POPDC2: variants seen among roughly 807,000 people sequenced by gnomAD.
POPDC2 encodes popeye domain-containing protein 2.
In POPDC2, 24 loss-of-function variants were observed where a neutral mutation model predicts 30.5. That is an observed-to-expected ratio of 0.79 (90% CI 0.57 to 1.11). The LOEUF is 1.11. Ranked by LOEUF, POPDC2 falls within the 50% of genes least tolerant of loss-of-function variation. The pLI, the probability that POPDC2 is intolerant of heterozygous loss-of-function variation, is 0.00. For synonymous variants in POPDC2, 185 were observed against 183.3 expected (o/e 1.01, Z -0.07); for missense variants, 409 against 447.0 (o/e 0.91, Z 0.77).
At chr3:119,645,304 C>T (rs6789941) in intron 3 of POPDC2, among the ~76,000 whole-genome samples, 37,366 of 152,078 alleles carry the variant, frequency 0.25, 4,797 homozygotes, top group Admixed American at 0.31. Context: ...GGCTCACGCC[C>T]GTAATCCCAG....
At chr3:119,651,272 C>G (rs889705006) in intron 2 of POPDC2, among the ~76,000 whole-genome samples, 4 of 152,106 alleles carry the variant, frequency 2.6e-5, no homozygotes, top group African/African-American at 7.2e-5. Flanking sequence ...TCATCTCTCT[C>G]AGGTTTTTGC....
intron 3 of POPDC2, among the ~76,000 whole-genome samples, chr3:119,642,785 T>C (rs1193274282): frequency 2.0e-5 from 3 of 152,238 alleles, no homozygotes; most frequent in African/African-American, 7.2e-5. Flanking sequence ...TCTCCTATTG[T>C]AGAGACCAAG....
At chr3:119,649,204 T>C (rs901823770) in intron 2 of POPDC2, among the ~76,000 whole-genome samples, 4 of 152,072 alleles carry the variant, frequency 2.6e-5, no homozygotes, top group East Asian at 1.9e-4. Context: ...GGGATTCAGG[T>C]TGGGATACGA....
intron 1 of POPDC2, among the ~76,000 whole-genome samples, chr3:119,656,700 T>C (rs970955794): frequency 6.6e-6 from 1 of 152,126 alleles, no homozygotes; most frequent in African/African-American, 2.4e-5. Flanking sequence ...CCCAGAAAAC[T>C]CAGAGTTTCA....
intron 2 of POPDC2, 142 bp downstream of exon 2, chr3:119,654,363 C>T: frequency 1.6e-6 from 1 of 630,296 alleles, no homozygotes; most frequent in East Asian, 2.8e-5. Flanking sequence ...GAACTCTTTT[C>T]AGAGGAAGAG....
intron 3 of POPDC2, among the ~76,000 whole-genome samples, chr3:119,647,378 C>T (rs898321211): frequency 6.6e-6 from 1 of 152,192 alleles, no homozygotes; most frequent in Non-Finnish European, 1.5e-5. Flanking sequence ...CTGGGCACAG[C>T]CTTTCTTGTA....
intron 1 of POPDC2, among the ~76,000 whole-genome samples, chr3:119,657,668 G>A (rs1361782083): frequency 6.6e-6 from 1 of 152,286 alleles, no homozygotes; most frequent in East Asian, 1.9e-4. Context: ...CGAGGATTTC[G>A]GCCACCCAGG....
Position 119,660,098 on chromosome 3 carries a change from T to C in POPDC2, c.326A>G (p.Asp109Gly). The stretch of plus-strand genomic sequence containing the variant: ...CAGGCACAGCGTCTTGTAGAGGAGG[T>C]CAAACTCCTCAGGGAGGGTGTCCTC... ...LREDTLPEEF[D>G]LLYKTLCLPL... Residue 109 changes from aspartate (D) to glycine (G), a missense_variant, in exon 1 of 4, where the codon GAC becomes GGC. Transcript: ENST00000493094. 6.2e-7 allele frequency: 1 copy of C among 1,614,044 alleles called. No homozygotes were observed. The highest frequency in any genetic ancestry group is 1.1e-5 in the South Asian group (1 of 91,062).
Position 119,643,613 on chromosome 3 carries a change from G to A in POPDC2, c.*44-1052C>T, listed in dbSNP as rs1046618327. ...TCACAGCAACCCGGTAAGGTAGACA[G>A]AGCCATCTTGGTCCTGTCCTGCAGA... On this transcript the variant is annotated intron_variant, in intron 3 of 3. Transcript: ENST00000493094. Among the ~76,000 whole-genome samples the A allele has an allele frequency of 6.6e-5, 10 of 152,288 alleles. No individual in the cohort carries two copies. The South Asian group carries it at 2.1e-3, about 32-fold the overall frequency.
At chr3:119,656,818 G>T (rs2052884665) in intron 1 of POPDC2, among the ~76,000 whole-genome samples, 1 of 152,172 alleles carries the variant, frequency 6.6e-6, no homozygotes, top group South Asian at 2.1e-4. Context: ...TTCATTTGGG[G>T]GAGATATCCT....
intron 2 of POPDC2, among the ~76,000 whole-genome samples, chr3:119,651,978 G>T (rs2052816753): frequency 6.6e-6 from 1 of 151,994 alleles, no homozygotes. Context: ...CTTCCCCAAA[G>T]GTCCTCCTGA....
In POPDC2 at chr3:119,660,216, A is replaced by T; in HGVS notation, c.208T>A (p.Phe70Ile). ...GYLCCVLWGW[F>I]SACGLDIVLW... Reference sequence around the variant, plus strand: ...ACAATGTCCAGGCCACAGGCACTGAACCAGCCCCACAGCACGCAGCACAGG... The same window carrying T: ...ACAATGTCCAGGCCACAGGCACTGATCCAGCCCCACAGCACGCAGCACAGG... The change falls in exon 1 of 4, where the codon TTC (phenylalanine) becomes ATC (isoleucine). Residue 70 changes from phenylalanine to isoleucine, a missense_variant. Coordinates refer to ENST00000493094, the MANE Select transcript of POPDC2 (RefSeq NM_001369919.2). 6.2e-7 allele frequency: 1 copy of T among 1,614,214 alleles called. No individual in the cohort carries two copies. Among genetic ancestry groups the T allele is most frequent in the Non-Finnish European group, 8.5e-7 (1 of 1,180,026 alleles).
At chr3:119,657,839 TTAGA>T (rs2052896938) in intron 1 of POPDC2, among the ~76,000 whole-genome samples, 1 of 152,146 alleles carries the variant, frequency 6.6e-6, no homozygotes, top group South Asian at 2.1e-4. Flanking sequence ...AATGAATAGC[TTAGA>T]TAGTTAGTTG....
rs377454956 is a variant in POPDC2 at position 119,657,843 on chromosome 3, ATAGT to A, written c.491+2086_491+2089del. 4.1e-3 allele frequency among the ~76,000 whole-genome samples: 620 copies of A among 152,280 alleles called. 7 individuals carry two copies. The highest frequency in any genetic ancestry group is 0.014 in the African/African-American group (593 of 41,558). ...ATCTTCTCCTAAATGAATAGCTTAG[ATAGT>A]TAGTTGCCTGCTCAGGGGGTTGTAT... On this transcript the variant is annotated intron_variant, in intron 1 of 3. Transcript: ENST00000493094.
chr3:119,652,223 G>C (rs139386981), intron 2 of POPDC2, among the ~76,000 whole-genome samples: 4 of 152,288 alleles, frequency 2.6e-5, no homozygotes, highest in African/African-American at 9.6e-5. Context: ...GAGTGTCACA[G>C]TGCCGAACAC....
intron 2 of POPDC2, among the ~76,000 whole-genome samples, chr3:119,653,084 A>T (rs1054812264): frequency 3.3e-5 from 5 of 151,718 alleles, no homozygotes; most frequent in African/African-American, 9.7e-5. Flanking sequence ...GTGTGTGTGT[A>T]AACTCTACTC....
Position 119,647,536 on chromosome 3 carries a change from C to T in POPDC2, c.*43+583G>A, listed in dbSNP as rs2052758863. Among the ~76,000 whole-genome samples, 3 of 152,220 alleles carry T rather than the reference C, an allele frequency of 2.0e-5. No homozygotes were observed. In the South Asian group the frequency reaches 6.2e-4, roughly 31 times the overall value. On this transcript the variant is annotated intron_variant, in intron 3 of 3. Transcript: ENST00000493094. ...CTATCTGATCATAGTAACATTTAAT[C>T]ATAGCAGTATCTAGTCCTCTGTCTG...
At chr3:119,644,428 T>C (rs753539360) in intron 3 of POPDC2, among the ~76,000 whole-genome samples, 4 of 152,108 alleles carry the variant, frequency 2.6e-5, no homozygotes, top group Non-Finnish European at 5.9e-5. Context: ...ACAGAAAAAT[T>C]CTAGTGAAGG....
intron 1 of POPDC2, among the ~76,000 whole-genome samples, chr3:119,659,461 C>A (rs960045557): frequency 6.6e-6 from 1 of 152,222 alleles, no homozygotes; most frequent in Non-Finnish European, 1.5e-5. Context: ...ACCCCGCTAT[C>A]CCGACCTCCC....
Sources: allele counts gnomAD v4.1 joint callset (sites outside exome capture counted in the v4.1 genomes callset), GRCh38; gene constraint gnomAD v4.1.1; transcripts MANE v1.5; gene names NCBI Gene and HGNC (gene_info 2026-07-23, HGNC 2026-07-21).